The following F2R variants were observed in gnomAD, a reference collection of about 807,000 sequenced individuals.
F2R encodes the protein proteinase-activated receptor 1.
In F2R, 12 loss-of-function variants were observed where a neutral mutation model predicts 18.3. The observed-to-expected ratio is 0.66, with a 90% CI of 0.42 to 1.06. The LOEUF is 1.06. Among genes scored for constraint, F2R ranks in the 50% least tolerant of loss-of-function variants. The pLI, the probability that F2R is intolerant of heterozygous loss-of-function variation, is 0.00. For synonymous variants in F2R, 210 were observed against 219.9 expected (o/e 0.95, Z 0.40); for missense variants, 438 against 530.8 (o/e 0.83, Z 1.72).
rs780601999 is a variant in F2R at position 76,733,126 on chromosome 5, G to A, written c.901G>A (p.Ala301Thr). The A allele has an allele frequency of 3.1e-6, 5 of 1,614,062 alleles. No homozygotes were observed. Among genetic ancestry groups the A allele is most frequent in the South Asian group, 1.1e-5 (1 of 91,074 alleles). Residue 301 changes from alanine (A) to threonine (T), a missense_variant, in exon 2 of 2, where the codon GCA becomes ACA. Coordinates refer to ENST00000319211, the MANE Select transcript of F2R (RefSeq NM_001992.5). ...VSIIRCLSSS[A>T]VANRSKKSRA... ...TATCATTCGATGTCTTAGCTCTTCC[G>A]CAGTTGCCAACCGCAGCAAGAAGTC...
Position 76,733,445 on chromosome 5 carries a change from A to G in F2R, c.1220A>G (p.Lys407Arg). 1 of 1,614,194 alleles carries G rather than the reference A, an allele frequency of 6.2e-7. No homozygotes were observed. Among genetic ancestry groups the G allele is most frequent in the Non-Finnish European group, 8.5e-7 (1 of 1,180,032 alleles). ...YNSSGQLMAS[K>R]MDTCSSNLNN... Reference sequence around the variant, plus strand: ...AGCAGTGGGCAGTTGATGGCAAGTAAAATGGATACCTGCTCTAGTAACCTG... The same window carrying G: ...AGCAGTGGGCAGTTGATGGCAAGTAGAATGGATACCTGCTCTAGTAACCTG... The change falls in exon 2 of 2, where the codon AAA (lysine) becomes AGA (arginine). Residue 407 changes from lysine (K) to arginine (R), a missense_variant. Physicochemically the swap from Lys to Arg is conservative, Grantham distance 26 (BLOSUM62 2). Transcript: ENST00000319211.
At chr5:76,720,795 G>A (rs1748435345) in intron 1 of F2R, among the ~76,000 whole-genome samples, 2 of 151,974 alleles carry the variant, frequency 1.3e-5, no homozygotes, top group African/African-American at 4.8e-5. Context: ...CTTAACTTTA[G>A]GTGGGTTAAA....
At chr5:76,730,016 C>T (rs1441639394) in intron 1 of F2R, among the ~76,000 whole-genome samples, 1 of 152,146 alleles carries the variant, frequency 6.6e-6, no homozygotes, top group Non-Finnish European at 1.5e-5. Flanking sequence ...TGAGGCCTCC[C>T]CAGCCATGTG....
Position 76,733,621 on chromosome 5 carries a change from T to A in F2R, c.*118T>A, listed in dbSNP as rs1242655573. Reference sequence around the variant, plus strand: ...CCTCCTAAAACAACAGATGTACGACTTGCATACCTGCTTTTTATGGGAGCT... The same window carrying A: ...CCTCCTAAAACAACAGATGTACGACATGCATACCTGCTTTTTATGGGAGCT... On this transcript the variant is annotated 3_prime_UTR_variant, in exon 2 of 2. Transcript: ENST00000319211. 1.3e-6 allele frequency: 1 copy of A among 763,620 alleles called. No homozygotes were observed. The highest frequency in any genetic ancestry group is 2.0e-6 in the Non-Finnish European group (1 of 487,974). The allele number at this position is 763,620 out of a possible 1,614,324, so 47.3% of individuals were successfully genotyped here.
At chr5:76,731,817 T>A (rs7712344) in intron 1 of F2R, among the ~76,000 whole-genome samples, 14 of 152,136 alleles carry the variant, frequency 9.2e-5, no homozygotes, top group African/African-American at 3.4e-4. Context: ...CGTGACCCAC[T>A]GTGCCCAGCC....
chr5:76,718,992 C>T (rs1021880045), intron 1 of F2R, among the ~76,000 whole-genome samples: 8 of 152,116 alleles, frequency 5.3e-5, no homozygotes, highest in African/African-American at 1.9e-4. Context: ...CTATTACTCA[C>T]CCTCCAGTTC....
chr5:76,721,250 A>C (rs148568673), intron 1 of F2R, among the ~76,000 whole-genome samples: 130 of 152,252 alleles, frequency 8.5e-4, no homozygotes, highest in Middle Eastern at 3.4e-3. Flanking sequence ...TAGTTTTACC[A>C]TTCATAATTT....
At chr5:76,725,015 T>C (rs1472636568) in intron 1 of F2R, among the ~76,000 whole-genome samples, 1 of 152,246 alleles carries the variant, frequency 6.6e-6, no homozygotes, top group Non-Finnish European at 1.5e-5. Context: ...GTTTCAACTC[T>C]TGTGCTCTGT....
Position 76,733,215 on chromosome 5 carries a change from C to A in F2R, c.990C>A (p.Asn330Lys). ...CIFIICFGPT[N>K]VLLIAHYSFL... is the part of the protein sequence containing the mutation. ...TCATCATTTGCTTCGGACCCACAAA[C>A]GTCCTCCTGATTGCGCATTACTCAT... The change falls in exon 2 of 2, where the codon AAC becomes AAA. Residue 330 changes from asparagine (N) to lysine (K), a missense_variant. Physicochemically the swap from Asn to Lys is moderately conservative, Grantham distance 94. Transcript: ENST00000319211. 1 of 1,614,184 alleles carries A rather than the reference C, an allele frequency of 6.2e-7. No individual in the cohort carries two copies. The highest frequency in any genetic ancestry group is 8.5e-7 in the Non-Finnish European group (1 of 1,180,032).
chr5:76,729,530 C>T (rs887197500), intron 1 of F2R, among the ~76,000 whole-genome samples: 1 of 152,220 alleles, frequency 6.6e-6, no homozygotes, highest in South Asian at 2.1e-4. Flanking sequence ...TTGTCTACTT[C>T]TCCTTTTATT....
At position 76,733,365 on chromosome 5, in the gene F2R, G is replaced by A; in HGVS notation, c.1140G>A (p.Arg380=). 1 of 1,614,106 alleles carries A rather than the reference G, an allele frequency of 6.2e-7. No individual in the cohort carries two copies. Among genetic ancestry groups the A allele is most frequent in the East Asian group, 2.2e-5 (1 of 44,882 alleles). The part of the protein sequence containing the change: ...IYYYASSECQ[R]YVYSILCCKE... Reference sequence around the variant, plus strand: ...ATTACGCTTCCTCTGAGTGCCAGAGGTACGTCTACAGTATCTTATGCTGCA... The same window carrying A: ...ATTACGCTTCCTCTGAGTGCCAGAGATACGTCTACAGTATCTTATGCTGCA... The change falls in exon 2 of 2, where the codon AGG becomes AGA. Residue 380 remains arginine, a synonymous_variant. Coordinates refer to ENST00000319211, the MANE Select transcript of F2R (RefSeq NM_001992.5).
chr5:76,732,636 G>A lies in F2R; in HGVS notation c.411G>A (p.Ala137=), dbSNP rs756097745. 1.2e-5 allele frequency: 20 copies of A among 1,614,062 alleles called. No homozygotes were observed. Among genetic ancestry groups the A allele is most frequent in the Non-Finnish European group, 1.7e-5 (20 of 1,180,046 alleles). Residue 137 remains alanine (A), a synonymous_variant, in exon 2 of 2, where the codon GCG becomes GCA. Coordinates refer to ENST00000319211, the MANE Select transcript of F2R (RefSeq NM_001992.5). ...FILKMKVKKP[A]VVYMLHLATA... Reference sequence around the variant, plus strand: ...TGAAAATGAAGGTCAAGAAGCCGGCGGTGGTGTACATGCTGCACCTGGCCA... The same window carrying A: ...TGAAAATGAAGGTCAAGAAGCCGGCAGTGGTGTACATGCTGCACCTGGCCA...
chr5:76,719,224 G>T (rs1748402127), intron 1 of F2R, among the ~76,000 whole-genome samples: 1 of 152,218 alleles, frequency 6.6e-6, no homozygotes, highest in Non-Finnish European at 1.5e-5. Flanking sequence ...ACAGCCCTTT[G>T]AGTAGATGTC....
intron 1 of F2R, among the ~76,000 whole-genome samples, chr5:76,727,063 A>G (rs978758730): frequency 9.2e-5 from 14 of 152,226 alleles, no homozygotes; most frequent in African/African-American, 3.1e-4. Context: ...TCATTCCCTC[A>G]TTGTACTAAA....
Position 76,732,459 on chromosome 5 carries a change from T to A in F2R, c.234T>A (p.Ser78Arg). Residue 78 changes from serine to arginine, a missense_variant, in exon 2 of 2, where the codon AGT becomes AGA. Coordinates refer to ENST00000319211, the MANE Select transcript of F2R (RefSeq NM_001992.5). ...EYRLVSINKS[S>R]PLQKQLPAFI... ...GATTAGTCTCCATCAATAAAAGCAG[T>A]CCTCTTCAAAAACAACTTCCTGCAT... The A allele has an allele frequency of 6.2e-7, 1 of 1,614,130 alleles. No individual in the cohort carries two copies. The highest frequency in any genetic ancestry group is 8.5e-7 in the Non-Finnish European group (1 of 1,180,012).
chr5:76,720,981 A>G (rs1323085711), intron 1 of F2R, among the ~76,000 whole-genome samples: 1 of 152,030 alleles, frequency 6.6e-6, no homozygotes, highest in Non-Finnish European at 1.5e-5. Context: ...TAATTTTTGT[A>G]TTTTTAGTAG....
chr5:76,733,382 T>C lies in F2R; in HGVS notation c.1157T>C (p.Leu386Ser). The C allele has an allele frequency of 6.2e-7, 1 of 1,614,218 alleles. No individual in the cohort carries two copies. The highest frequency in any genetic ancestry group is 1.1e-5 in the South Asian group (1 of 91,088). ...SECQRYVYSI[L>S]CCKESSDPSS... ...TGCCAGAGGTACGTCTACAGTATCT[T>C]ATGCTGCAAAGAAAGTTCCGATCCC... is the stretch of plus-strand genomic sequence containing the variant. The change falls in exon 2 of 2, where the codon TTA becomes TCA. Residue 386 changes from leucine to serine, a missense_variant. Leu to Ser is a moderately radical substitution (Grantham distance 145). Transcript: ENST00000319211.
At chr5:76,722,615 G>C (rs1004487444) in intron 1 of F2R, among the ~76,000 whole-genome samples, 3 of 152,188 alleles carry the variant, frequency 2.0e-5, no homozygotes, top group South Asian at 2.1e-4. Context: ...AGGAGAGGAG[G>C]CCTCTGATAT....
At position 76,732,693 on chromosome 5, in the gene F2R, C is replaced by T. The variant is rs771440132; in HGVS notation, c.468C>T (p.Pro156=). Reference sequence around the variant, plus strand: ...ATGTGCTGTTTGTGTCTGTGCTCCCCTTTAAGATCAGCTATTACTTTTCCG... The same window carrying T: ...ATGTGCTGTTTGTGTCTGTGCTCCCTTTTAAGATCAGCTATTACTTTTCCG... The part of the protein sequence containing the change: ...TADVLFVSVL[P]FKISYYFSGS... The change falls in exon 2 of 2, where the codon CCC becomes CCT. Residue 156 remains proline, a synonymous_variant. Coordinates refer to ENST00000319211, the MANE Select transcript of F2R (RefSeq NM_001992.5). The T allele has an allele frequency of 1.2e-6, 2 of 1,614,204 alleles. No individual in the cohort carries two copies. Among genetic ancestry groups the T allele is most frequent in the Admixed American group, 1.7e-5 (1 of 60,022 alleles).
Sources: allele counts gnomAD v4.1 joint callset (sites outside exome capture counted in the v4.1 genomes callset), GRCh38; gene constraint gnomAD v4.1.1; transcripts MANE v1.5; gene names NCBI Gene and HGNC (gene_info 2026-07-23, HGNC 2026-07-21).